SEMA3E: variants seen among roughly 807,000 people sequenced by gnomAD.
The protein encoded by SEMA3E is semaphorin 3E, also known as semaphorin-3E.
In SEMA3E, 49 loss-of-function variants were observed where a neutral mutation model predicts 93.6. That is an observed-to-expected ratio of 0.52 (90% CI 0.42 to 0.66). The LOEUF is 0.66. Among genes scored for constraint, SEMA3E ranks in the 30% least tolerant of loss-of-function variants. SEMA3E has a pLI of 0.00. For missense variants in SEMA3E, 906 were observed against 964.8 expected, an observed-to-expected ratio of 0.94 and a Z score of 0.81; for synonymous variants, 363 against 330.7, an observed-to-expected ratio of 1.10 and a Z score of -1.06.
At chr7:83,554,210 C>T (rs1791833820) in intron 1 of SEMA3E, among the ~76,000 whole-genome samples, 1 of 152,050 alleles carries the variant, frequency 6.6e-6, no homozygotes, top group Admixed American at 6.6e-5. Context: ...TATATTTTTA[C>T]ATTTCATGAC....
intron 1 of SEMA3E, among the ~76,000 whole-genome samples, chr7:83,629,543 C>G (rs1002917755): frequency 6.6e-6 from 1 of 152,168 alleles, no homozygotes; most frequent in Admixed American, 6.5e-5. Flanking sequence ...TGCCGAGCTA[C>G]GATGGGCTCT....
At chr7:83,446,683 A>G (rs1789238102) in intron 4 of SEMA3E, among the ~76,000 whole-genome samples, 1 of 152,224 alleles carries the variant, frequency 6.6e-6, no homozygotes, top group South Asian at 2.1e-4. Flanking sequence ...TACAAAGTGC[A>G]TCAATATAGT....
At chr7:83,555,637 A>C (rs215261) in intron 1 of SEMA3E, among the ~76,000 whole-genome samples, 64,416 of 152,048 alleles carry the variant, frequency 0.42, 14,633 homozygotes, top group African/African-American at 0.6. Context: ...GCAAATCAAT[A>C]GACTCCTAAT....
intron 1 of SEMA3E, among the ~76,000 whole-genome samples, chr7:83,584,449 C>G (rs114082003): frequency 6.6e-6 from 1 of 151,886 alleles, no homozygotes; most frequent in Admixed American, 6.6e-5. Flanking sequence ...GAGTAGGACT[C>G]GAACACTAAT....
intron 2 of SEMA3E, among the ~76,000 whole-genome samples, chr7:83,486,944 C>T (rs1790270598): frequency 6.6e-6 from 1 of 152,076 alleles, no homozygotes; most frequent in Admixed American, 6.6e-5. Flanking sequence ...GGTTTTATAG[C>T]TACTTTCCTT....
intron 1 of SEMA3E, among the ~76,000 whole-genome samples, chr7:83,519,074 A>G (rs1790991984): frequency 1.3e-5 from 2 of 151,642 alleles, no homozygotes; most frequent in East Asian, 3.9e-4. Context: ...GCACCCATTA[A>G]CTCGTCATTT....
At chr7:83,602,284 T>C (rs1793012622) in intron 1 of SEMA3E, among the ~76,000 whole-genome samples, 1 of 152,136 alleles carries the variant, frequency 6.6e-6, no homozygotes, top group African/African-American at 2.4e-5. Flanking sequence ...AAACAAGTCA[T>C]ATTCTCTGTC....
At chr7:83,501,728 A>G (rs1163984220) in intron 1 of SEMA3E, among the ~76,000 whole-genome samples, 1 of 152,212 alleles carries the variant, frequency 6.6e-6, no homozygotes, top group Non-Finnish European at 1.5e-5. Context: ...TAATACATAT[A>G]TAACTTTTTA....
At chr7:83,560,202 A>G (rs1048321147) in intron 1 of SEMA3E, among the ~76,000 whole-genome samples, 3 of 152,092 alleles carry the variant, frequency 2.0e-5, no homozygotes, top group Admixed American at 6.6e-5. Context: ...AGTAAACCCT[A>G]ATGTAAACTA....
chr7:83,519,280 G>A (rs1727489211), intron 1 of SEMA3E, among the ~76,000 whole-genome samples: 1 of 152,014 alleles, frequency 6.6e-6, no homozygotes. Flanking sequence ...TTTCATCCAT[G>A]TCCCTACAAA....
intron 5 of SEMA3E, among the ~76,000 whole-genome samples, chr7:83,410,063 A>C (rs1165253724): frequency 1.3e-5 from 2 of 151,814 alleles, no homozygotes; most frequent in African/African-American, 4.8e-5. Context: ...TACTACTATA[A>C]TAGTCTTTTT....
intron 1 of SEMA3E, among the ~76,000 whole-genome samples, chr7:83,528,519 A>G (rs1476048372): frequency 2.0e-5 from 3 of 152,102 alleles, no homozygotes; most frequent in Non-Finnish European, 4.4e-5. Flanking sequence ...TAGATAAGTA[A>G]TATTGCCAAA....
intron 4 of SEMA3E, among the ~76,000 whole-genome samples, chr7:83,454,296 T>TATATATATATATATATATAA (rs1350195502): frequency 3.1e-5 from 4 of 130,640 alleles, no homozygotes; most frequent in African/African-American, 1.1e-4. Context: ...TATATATATA[T>TATATATATATATATATATAA]AATGTGTGTA....
At chr7:83,484,317 A>G (rs1790208582) in intron 2 of SEMA3E, among the ~76,000 whole-genome samples, 1 of 152,196 alleles carries the variant, frequency 6.6e-6, no homozygotes, top group Admixed American at 6.5e-5. Flanking sequence ...TATGGTCACA[A>G]TCATACCACC....
intron 1 of SEMA3E, among the ~76,000 whole-genome samples, chr7:83,592,566 T>C (rs1199670808): frequency 6.6e-6 from 1 of 152,196 alleles, no homozygotes; most frequent in Non-Finnish European, 1.5e-5. Flanking sequence ...AAATTATCAA[T>C]ATTTGATGAT....
intron 1 of SEMA3E, among the ~76,000 whole-genome samples, chr7:83,633,356 CT>C (rs147727273): frequency 0.018 from 2,714 of 152,208 alleles, 82 homozygotes; most frequent in African/African-American, 0.06. Flanking sequence ...TATACACCTC[CT>C]TTAGTCAGAG....
chr7:83,643,504 G>C lies in SEMA3E; in HGVS notation c.115+4924C>G, dbSNP rs540552503. Among the ~76,000 whole-genome samples the C allele has an allele frequency of 1.4e-4, 22 of 151,886 alleles. No homozygotes were observed. The South Asian group carries it at 4.4e-3, about 30-fold the overall frequency. ...CCCTCACCCTATTACCATACTAAAA[G>C]ATAACTGTTTTCCCACTGTAAAATG... On this transcript the variant is annotated intron_variant, in intron 1 of 16. Coordinates refer to ENST00000643230, the MANE Select transcript of SEMA3E (RefSeq NM_012431.3).
intron 1 of SEMA3E, among the ~76,000 whole-genome samples, chr7:83,538,633 T>C (rs1791456952): frequency 6.6e-6 from 1 of 152,208 alleles, no homozygotes; most frequent in South Asian, 2.1e-4. Flanking sequence ...AGATATAAAA[T>C]GTATCAATAA....
In SEMA3E at chr7:83,506,679, T is replaced by C. The variant is rs73376767; in HGVS notation, c.116-16405A>G. Among the ~76,000 whole-genome samples the C allele has an allele frequency of 1.6e-3, 251 of 152,254 alleles. 1 individual carries two copies. Among genetic ancestry groups the C allele is most frequent in the African/African-American group, 5.9e-3 (244 of 41,544 alleles). ...CTAAAATTAGAAGAACTGAAAGATT[T>C]ACAAAACCCATATAAATCATAATGT... On this transcript the variant is annotated intron_variant, in intron 1 of 16. Coordinates refer to ENST00000643230, the MANE Select transcript of SEMA3E (RefSeq NM_012431.3).
Sources: allele counts gnomAD v4.1 joint callset (sites outside exome capture counted in the v4.1 genomes callset), GRCh38; gene constraint gnomAD v4.1.1; transcripts MANE v1.5; gene names NCBI Gene and HGNC (gene_info 2026-07-23, HGNC 2026-07-21).